Variants in HPSE2 observed in about 807,000 individuals in gnomAD.
HPSE2 encodes inactive heparanase-2.
HPSE2 carries 38 observed loss-of-function variants against 60.5 expected under a neutral mutation model. That is an observed-to-expected ratio of 0.63 (90% CI 0.48 to 0.82). The LOEUF is 0.82. Ranked by LOEUF, HPSE2 falls within the 40% of genes least tolerant of loss-of-function variation. The pLI is 0.00. For synonymous variants in HPSE2, 295 were observed against 293.2 expected (o/e 1.01, Z -0.06); for missense variants, 713 against 740.4 (o/e 0.96, Z 0.43).
rs1260928934 is a variant in HPSE2, at chr10:98,609,824, G to GTTC, written c.1320+5077_1320+5079dup. The stretch of plus-strand genomic sequence containing the variant: ...CTATGATGCCTTCTAATTAGGTGGT[G>GTTC]TTCTTCTTCTTCTTCTTTTTTTTTT... On this transcript the variant is annotated intron_variant, in intron 9 of 11. Coordinates refer to ENST00000370552, the MANE Select transcript of HPSE2 (RefSeq NM_021828.5). Among the ~76,000 whole-genome samples the GTTC allele has an allele frequency of 2.8e-3, 392 of 142,284 alleles. 6 individuals carry two copies. Among genetic ancestry groups the GTTC allele is most frequent in the Middle Eastern group, 0.011 (3 of 274 alleles). 93.3% of individuals were successfully genotyped at this position (142,284 alleles called of 152,430 possible).
chr10:99,217,682 G>C (rs1849178026), intron 2 of HPSE2, among the ~76,000 whole-genome samples: 1 of 151,930 alleles, frequency 6.6e-6, no homozygotes. Flanking sequence ...CCTCACACTT[G>C]GGCTAAAGCA....
chr10:98,660,490 TA>T (rs2134084520), intron 6 of HPSE2, among the ~76,000 whole-genome samples: 1 of 152,322 alleles, frequency 6.6e-6, no homozygotes, highest in African/African-American at 2.4e-5. Flanking sequence ...CTTTTAAAAT[TA>T]GCCACTATTA....
At chr10:98,940,569 T>G (rs1954962384) in intron 3 of HPSE2, among the ~76,000 whole-genome samples, 1 of 142,158 alleles carries the variant, frequency 7.0e-6, no homozygotes, top group African/African-American at 2.9e-5. Flanking sequence ...AATAACAGGC[T>G]CTGAAATTGT....
chr10:98,968,695 G>T (rs1373664081), intron 3 of HPSE2, among the ~76,000 whole-genome samples: 1 of 152,106 alleles, frequency 6.6e-6, no homozygotes, highest in African/African-American at 2.4e-5. Context: ...GGCATTTGCA[G>T]CAACTTAGAT....
intron 3 of HPSE2, among the ~76,000 whole-genome samples, chr10:99,023,139 G>T (rs531488086): frequency 6.6e-6 from 1 of 152,110 alleles, no homozygotes; most frequent in South Asian, 2.1e-4. Context: ...TGAGTCCTGG[G>T]CCAGGCAGCA....
the HPSE2 span, among the ~76,000 whole-genome samples, chr10:99,308,244 C>T: frequency 8.6e-5 from 13 of 151,448 alleles, no homozygotes; most frequent in Middle Eastern, 3.4e-3. Flanking sequence ...AAAAATTACC[C>T]GGGTGTGGTG....
At chr10:98,833,155 C>T (rs1367002531) in intron 3 of HPSE2, among the ~76,000 whole-genome samples, 1 of 152,172 alleles carries the variant, frequency 6.6e-6, no homozygotes, top group Non-Finnish European at 1.5e-5. Context: ...AAGAATTAGA[C>T]AGTTCTCCAA....
intron 9 of HPSE2, among the ~76,000 whole-genome samples, chr10:98,555,141 G>A (rs563078583): frequency 6.6e-6 from 1 of 152,262 alleles, no homozygotes; most frequent in African/African-American, 2.4e-5. Flanking sequence ...GTTCCTTTCA[G>A]CTCTAAGGAC....
intron 9 of HPSE2, among the ~76,000 whole-genome samples, chr10:98,583,366 C>T (rs978200897): frequency 2.6e-5 from 4 of 152,164 alleles, no homozygotes; most frequent in South Asian, 2.1e-4. Flanking sequence ...AGTGTACTTT[C>T]GTTTCAATAA....
chr10:98,630,467 G>A (rs1297341039), intron 7 of HPSE2, among the ~76,000 whole-genome samples: 22 of 151,990 alleles, frequency 1.4e-4, no homozygotes, highest in Admixed American at 1.4e-3. Flanking sequence ...AAAGTGCTGG[G>A]ATTACAGGCG....
At chr10:99,293,067 C>T in the HPSE2 span, among the ~76,000 whole-genome samples, 1 of 152,100 alleles carries the variant, frequency 6.6e-6, no homozygotes. Context: ...CTATGGTTTT[C>T]CAGGGTATAA....
intron 3 of HPSE2, among the ~76,000 whole-genome samples, chr10:99,101,461 C>A (rs2135642067): frequency 6.6e-6 from 1 of 152,252 alleles, no homozygotes; most frequent in African/African-American, 2.4e-5. Flanking sequence ...TATATGCACC[C>A]AATACAGGAG....
At chr10:99,177,371 G>T (rs544037607) in intron 2 of HPSE2, among the ~76,000 whole-genome samples, 2 of 152,128 alleles carry the variant, frequency 1.3e-5, no homozygotes, top group South Asian at 4.2e-4. Flanking sequence ...GTATTCAGGA[G>T]ACCCAGCTCA....
chr10:99,248,488 C>T, the HPSE2 span, among the ~76,000 whole-genome samples: 1 of 152,096 alleles, frequency 6.6e-6, no homozygotes, highest in East Asian at 1.9e-4. Context: ...TTCTAGTAGC[C>T]TATGCACACT....
chr10:98,645,021 A>G (rs1048971275), intron 6 of HPSE2, among the ~76,000 whole-genome samples: 1 of 152,192 alleles, frequency 6.6e-6, no homozygotes, highest in Non-Finnish European at 1.5e-5. Flanking sequence ...GGAGGGAACA[A>G]GAAAAGTGAA....
At chr10:98,926,618 T>C (rs934901509) in intron 3 of HPSE2, among the ~76,000 whole-genome samples, 14 of 152,166 alleles carry the variant, frequency 9.2e-5, no homozygotes, top group South Asian at 2.1e-4. Flanking sequence ...CTCTCCAGCA[T>C]TGAAAACAAT....
At chr10:98,930,531 T>C (rs1208676594) in intron 3 of HPSE2, among the ~76,000 whole-genome samples, 1 of 144,470 alleles carries the variant, frequency 6.9e-6, no homozygotes, top group Non-Finnish European at 1.5e-5. Context: ...AAATGATATT[T>C]CTGGTTCTAA....
intron 3 of HPSE2, among the ~76,000 whole-genome samples, chr10:98,829,049 C>T (rs886412165): frequency 3.9e-5 from 6 of 152,084 alleles, no homozygotes; most frequent in African/African-American, 1.2e-4. Flanking sequence ...ATAGGTGAAC[C>T]TTGAAGACAT....
At chr10:99,163,509 G>A (rs1846932788) in intron 2 of HPSE2, among the ~76,000 whole-genome samples, 1 of 151,922 alleles carries the variant, frequency 6.6e-6, no homozygotes, top group African/African-American at 2.4e-5. Context: ...TACATGTATG[G>A]GCTTTCATCA....
Sources: allele counts gnomAD v4.1 joint callset (sites outside exome capture counted in the v4.1 genomes callset), GRCh38; gene constraint gnomAD v4.1.1; transcripts MANE v1.5; gene names NCBI Gene and HGNC (gene_info 2026-07-23, HGNC 2026-07-21).